The following PCDH11X variants were observed in gnomAD, a reference collection of about 807,000 sequenced individuals.
PCDH11X encodes protocadherin 11 X-linked.
Under a neutral mutation model 53.3 loss-of-function variants are expected in PCDH11X, and 18 were observed. The ratio of observed to expected loss-of-function variants is 0.34; its 90% confidence interval spans 0.23 to 0.50. The LOEUF (loss-of-function observed/expected upper bound fraction) is 0.50. Ranked by LOEUF, PCDH11X falls within the 20% of genes least tolerant of loss-of-function variation. The pLI is 0.98. For missense variants in PCDH11X, 570 were observed against 1,032.4 expected, an observed-to-expected ratio of 0.55 and a Z score of 6.14; for synonymous variants, 279 against 393.3, an observed-to-expected ratio of 0.71 and a Z score of 3.44.
At chrX:92,166,806 G>A (rs2065739887) in intron 6 of PCDH11X, among the ~76,000 whole-genome samples, 1 of 111,252 alleles carries the variant, frequency 9.0e-6, no homozygotes, top group Non-Finnish European at 1.9e-5. Flanking sequence ...GCTGAGGCAG[G>A]AGAATCATTT....
At chrX:92,410,174 C>T (rs1603303610) in intron 9 of PCDH11X, among the ~76,000 whole-genome samples, 1 of 110,492 alleles carries the variant, frequency 9.1e-6, no homozygotes, top group Non-Finnish European at 1.9e-5. Context: ...TTCAGTTTTT[C>T]CCCTTATCAT....
chrX:92,351,228 C>G (rs1371115105), intron 8 of PCDH11X, among the ~76,000 whole-genome samples: 1 of 111,970 alleles, frequency 8.9e-6, no homozygotes, highest in Non-Finnish European at 1.9e-5. Context: ...ACTATTCCAT[C>G]AATTTAATTC....
chrX:91,934,390 CT>C (rs930784730), intron 6 of PCDH11X, among the ~76,000 whole-genome samples: 21 of 111,425 alleles, frequency 1.9e-4, no homozygotes, highest in Admixed American at 1.8e-3. Flanking sequence ...TTTTTCCCCC[CT>C]GAACATAATT....
intron 6 of PCDH11X, among the ~76,000 whole-genome samples, chrX:92,013,781 G>A (rs2062737975): frequency 9.0e-6 from 1 of 111,729 alleles, no homozygotes; most frequent in Non-Finnish European, 1.9e-5. Context: ...AAGAAATGGG[G>A]AAAGGATTCC....
At chrX:92,079,082 G>A (rs946357136) in intron 6 of PCDH11X, among the ~76,000 whole-genome samples, 2 of 110,657 alleles carry the variant, frequency 1.8e-5, no homozygotes, top group Non-Finnish European at 3.8e-5. Flanking sequence ...TACAAACTTA[G>A]TGGTTTAAAA....
chrX:92,601,631 A>G (rs1249619197), intron 10 of PCDH11X, among the ~76,000 whole-genome samples: 2 of 111,522 alleles, frequency 1.8e-5, no homozygotes, highest in Non-Finnish European at 3.8e-5. Flanking sequence ...CGCATTATTC[A>G]CAGCAGCCAA....
intron 6 of PCDH11X, among the ~76,000 whole-genome samples, chrX:91,981,776 C>CTGT (rs767499166): frequency 3.7e-5 from 4 of 107,073 alleles, no homozygotes; most frequent in Non-Finnish European, 5.8e-5. Flanking sequence ...AGGGTAACTC[C>CTGT]TGTTGTTGTT....
chrX:91,908,630 C>A (rs1443745330), intron 6 of PCDH11X, among the ~76,000 whole-genome samples: 1 of 108,626 alleles, frequency 9.2e-6, no homozygotes, highest in African/African-American at 3.3e-5. Context: ...ATTGTGAAAC[C>A]CTGTCTCGAT....
At chrX:92,608,684 T>C (rs1256597389) in intron 10 of PCDH11X, among the ~76,000 whole-genome samples, 1 of 110,223 alleles carries the variant, frequency 9.1e-6, no homozygotes, top group Non-Finnish European at 1.9e-5. Context: ...AATTCTGAAT[T>C]GAATAAAGGA....
At chrX:92,192,176 T>C (rs2066203834) in intron 6 of PCDH11X, among the ~76,000 whole-genome samples, 1 of 111,870 alleles carries the variant, frequency 8.9e-6, no homozygotes, top group Non-Finnish European at 1.9e-5. Context: ...TTGATAATTC[T>C]TTACTTTGTG....
chrX:92,517,486 T>C (rs1433369088), intron 10 of PCDH11X, among the ~76,000 whole-genome samples: 1 of 111,585 alleles, frequency 9.0e-6, no homozygotes, highest in African/African-American at 3.3e-5. Flanking sequence ...AACTTTGAGA[T>C]AAGAAAATTA....
intron 6 of PCDH11X, among the ~76,000 whole-genome samples, chrX:92,099,286 A>G (rs934939179): frequency 9.2e-6 from 1 of 108,789 alleles, no homozygotes; most frequent in Non-Finnish European, 1.9e-5. Context: ...AATACAAATG[A>G]CATTTCTTTC....
At chrX:92,273,899 G>T (rs771319926) in intron 8 of PCDH11X, among the ~76,000 whole-genome samples, 1 of 110,822 alleles carries the variant, frequency 9.0e-6, no homozygotes, top group Non-Finnish European at 1.9e-5. Context: ...TGCCAGCAAA[G>T]ATTACTTATT....
chrX:92,353,884 A>C (rs954680878), intron 8 of PCDH11X, among the ~76,000 whole-genome samples: 1 of 107,364 alleles, frequency 9.3e-6, no homozygotes, highest in African/African-American at 3.4e-5. Context: ...TAAACATTGC[A>C]TGTTTAGTTA....
intron 6 of PCDH11X, among the ~76,000 whole-genome samples, chrX:91,999,680 C>T (rs2062477158): frequency 9.1e-6 from 1 of 109,682 alleles, no homozygotes; most frequent in South Asian, 3.9e-4. Context: ...ACACTGGCTA[C>T]ACTAGATGGA....
intron 8 of PCDH11X, among the ~76,000 whole-genome samples, chrX:92,270,975 G>A (rs895427860): frequency 9.1e-6 from 1 of 110,400 alleles, no homozygotes; most frequent in Non-Finnish European, 1.9e-5. Flanking sequence ...ATCTCAAAGA[G>A]TTGTCTTAAA....
chrX:92,501,884 G>A, intron 10 of PCDH11X, among the ~76,000 whole-genome samples: 1 of 110,882 alleles, frequency 9.0e-6, no homozygotes. Flanking sequence ...TCAGGCAAGA[G>A]AAAGAGATAA....
intron 6 of PCDH11X, among the ~76,000 whole-genome samples, chrX:91,897,217 AG>A (rs1225167286): frequency 1.2e-5 from 1 of 85,454 alleles, no homozygotes; most frequent in Non-Finnish European, 2.2e-5. Flanking sequence ...CTATTCAAAA[AG>A]TTTTAACTGA....
At chrX:92,498,317 G>A (rs1451057791) in intron 10 of PCDH11X, among the ~76,000 whole-genome samples, 6 of 110,355 alleles carry the variant, frequency 5.4e-5, no homozygotes, top group Non-Finnish European at 1.1e-4. Context: ...AACTTGCAAA[G>A]TTTCTATAAC....
Sources: gnomAD v4.1 joint callset for allele counts (sites outside exome capture counted in the v4.1 genomes callset) on GRCh38, gnomAD v4.1.1 for gene constraint, MANE v1.5 for transcripts, NCBI Gene and HGNC (gene_info 2026-07-23, HGNC 2026-07-21) for gene names.